The following TRABD2B variants were observed in gnomAD, a reference collection of about 807,000 sequenced individuals.
The protein encoded by TRABD2B is TraB domain containing 2B, also known as metalloprotease TIKI2.
Under a neutral mutation model 40.1 loss-of-function variants are expected in TRABD2B, and 14 were observed. The observed-to-expected ratio is 0.35, with a 90% confidence interval of 0.23 to 0.55. The LOEUF (loss-of-function observed/expected upper bound fraction) is 0.55. TRABD2B is among the 20% of genes least tolerant of loss of function. TRABD2B has a pLI of 0.90. For missense variants in TRABD2B, 541 were observed against 648.6 expected (o/e 0.83, Z 1.80); for synonymous variants, 263 against 277.0 (o/e 0.95, Z 0.50).
At chr1:47,962,764 T>C (rs1232608974) in intron 2 of TRABD2B, among the ~76,000 whole-genome samples, 2 of 152,234 alleles carry the variant, frequency 1.3e-5, no homozygotes, top group African/African-American at 4.8e-5. Flanking sequence ...GTGTATGCTC[T>C]ATACCTCTCT....
rs991219778 is a variant in TRABD2B at position 47,997,304 on chromosome 1, G to C, written c.-515C>G. 1 of 801,410 alleles carries C rather than the reference G, an allele frequency of 1.2e-6. No individual in the cohort carries two copies. The highest frequency in any genetic ancestry group is 1.5e-6 in the Non-Finnish European group (1 of 664,450). 49.6% of individuals were successfully genotyped at this position (801,410 alleles called of 1,614,324 possible). On this transcript the variant is annotated 5_prime_UTR_variant, in exon 1 of 7. Transcript: ENST00000606738. ...GGGGCGACCGGCTGCCCCCGAGCCC[G>C]GCTCAGAGGGGCGGCGGGCGGCCGC...
At chr1:47,913,860 T>C (rs886836287) in intron 2 of TRABD2B, among the ~76,000 whole-genome samples, 2 of 152,172 alleles carry the variant, frequency 1.3e-5, no homozygotes, top group Non-Finnish European at 2.9e-5. Flanking sequence ...TCATTTCTTT[T>C]AATCCTCCTA....
intron 2 of TRABD2B, among the ~76,000 whole-genome samples, chr1:47,909,450 AAGAAGG>A (rs1330536267): frequency 4.2e-5 from 6 of 143,460 alleles, no homozygotes; most frequent in African/African-American, 1.6e-4. Context: ...GAAGAAGAAG[AAGAAGG>A]AGAAGGAGAA....
intron 2 of TRABD2B, among the ~76,000 whole-genome samples, chr1:47,846,153 C>T (rs1190600876): frequency 1.3e-5 from 2 of 152,214 alleles, no homozygotes; most frequent in South Asian, 2.1e-4. Context: ...AGAAAAGAAC[C>T]AGCATATAGC....
At chr1:47,850,682 ACC>A (rs1482635467) in intron 2 of TRABD2B, among the ~76,000 whole-genome samples, 1 of 152,090 alleles carries the variant, frequency 6.6e-6, no homozygotes, top group Non-Finnish European at 1.5e-5. Context: ...GCTGCCTGGC[ACC>A]ACTAAGAAGG....
intron 2 of TRABD2B, among the ~76,000 whole-genome samples, chr1:47,919,849 G>C (rs1274898008): frequency 1.3e-5 from 2 of 152,332 alleles, no homozygotes; most frequent in Admixed American, 6.5e-5. Context: ...CCTGGAGAGG[G>C]GGGTGCTGGT....
intron 2 of TRABD2B, among the ~76,000 whole-genome samples, chr1:47,893,100 G>C (rs1273088774): frequency 6.6e-6 from 1 of 152,144 alleles, no homozygotes; most frequent in African/African-American, 2.4e-5. Flanking sequence ...AGTGTCATCT[G>C]GCCAGATGGC....
At chr1:47,896,360 C>T (rs1312333265) in intron 2 of TRABD2B, among the ~76,000 whole-genome samples, 2 of 152,040 alleles carry the variant, frequency 1.3e-5, no homozygotes, top group East Asian at 3.9e-4. Flanking sequence ...AGGCTCAAGG[C>T]TAACAAAGAA....
intron 2 of TRABD2B, among the ~76,000 whole-genome samples, chr1:47,870,482 C>G (rs1379353613): frequency 6.6e-6 from 1 of 152,150 alleles, no homozygotes; most frequent in African/African-American, 2.4e-5. Context: ...GAATGAATCC[C>G]TCTCCCAGGC....
chr1:47,880,987 C>T (rs1271472494), intron 2 of TRABD2B, among the ~76,000 whole-genome samples: 3 of 152,144 alleles, frequency 2.0e-5, no homozygotes, highest in Non-Finnish European at 2.9e-5. Context: ...CACCCCATGG[C>T]GGTCCATAAA....
chr1:47,927,971 C>T (rs1418534694), intron 2 of TRABD2B, among the ~76,000 whole-genome samples: 3 of 152,186 alleles, frequency 2.0e-5, no homozygotes, highest in Non-Finnish European at 4.4e-5. Context: ...GAAGCATAAG[C>T]ATCCCCTGGA....
At chr1:47,766,206 A>G (rs1644300746) in intron 6 of TRABD2B, 100 bp from the exon 7 acceptor site, 3 of 655,642 alleles carry the variant, frequency 4.6e-6, no homozygotes, top group Non-Finnish European at 8.3e-6. Flanking sequence ...TATTTTGCCT[A>G]ATACAATGGA....
chr1:47,870,449 C>G (rs964555703), intron 2 of TRABD2B, among the ~76,000 whole-genome samples: 1 of 152,182 alleles, frequency 6.6e-6, no homozygotes, highest in Non-Finnish European at 1.5e-5. Context: ...ATTTCCTACA[C>G]CCCTTCCCCC....
chr1:47,956,711 C>G (rs4927267), intron 2 of TRABD2B, among the ~76,000 whole-genome samples: 71,604 of 152,164 alleles, frequency 0.47, 18,388 homozygotes, highest in Middle Eastern at 0.61. Flanking sequence ...GGTGAGGAAG[C>G]TGAAACTGGG....
At chr1:47,982,635 T>C (rs1240975475) in intron 2 of TRABD2B, among the ~76,000 whole-genome samples, 3 of 152,218 alleles carry the variant, frequency 2.0e-5, no homozygotes, top group African/African-American at 4.8e-5. Context: ...AGAAATTTAC[T>C]GTGATAAACC....
chr1:47,926,204 A>T (rs1644966745), intron 2 of TRABD2B, among the ~76,000 whole-genome samples: 1 of 152,234 alleles, frequency 6.6e-6, no homozygotes, highest in South Asian at 2.1e-4. Context: ...CTTCTCAAAA[A>T]TAAAAAGAAG....
intron 6 of TRABD2B, among the ~76,000 whole-genome samples, chr1:47,772,046 C>G (rs756408578): frequency 6.6e-6 from 1 of 151,934 alleles, no homozygotes; most frequent in African/African-American, 2.4e-5. Flanking sequence ...GGGCACCCAC[C>G]GGCACTGCGT....
chr1:47,768,298 G>A (rs1438142590), intron 6 of TRABD2B, among the ~76,000 whole-genome samples: 4 of 151,130 alleles, frequency 2.6e-5, no homozygotes, highest in African/African-American at 9.8e-5. Context: ...TGCAGGGATG[G>A]CGTTTCTGAG....
At chr1:47,844,699 G>A (rs531563775) in intron 2 of TRABD2B, among the ~76,000 whole-genome samples, 1 of 152,294 alleles carries the variant, frequency 6.6e-6, no homozygotes, top group South Asian at 2.1e-4. Context: ...GATGGATTCA[G>A]GAACATCTGT....
Sources: allele counts gnomAD v4.1 joint callset (sites outside exome capture counted in the v4.1 genomes callset), GRCh38; gene constraint gnomAD v4.1.1; transcripts MANE v1.5; gene names NCBI Gene and HGNC (gene_info 2026-07-23, HGNC 2026-07-21).